OPA1: variants seen among roughly 807,000 people sequenced by gnomAD.
OPA1 encodes the protein dynamin-like GTPase OPA1, mitochondrial.
Under a neutral mutation model 152.9 loss-of-function variants are expected in OPA1, and 59 were observed. The observed-to-expected ratio is 0.39, with a 90% CI of 0.31 to 0.48. The LOEUF is 0.48. Among genes scored for constraint, OPA1 ranks in the 20% least tolerant of loss-of-function variants. OPA1 has a pLI of 0.96. For synonymous variants in OPA1, 400 were observed against 389.9 expected, an observed-to-expected ratio of 1.03 and a Z score of -0.31; for missense variants, 1,008 against 1,216.8, an observed-to-expected ratio of 0.83 and a Z score of 2.55.
intron 30 of OPA1, 87 bp downstream of exon 30, chr3:193,692,219 A>G: frequency 4.0e-6 from 3 of 747,640 alleles, no homozygotes; most frequent in South Asian, 3.1e-5. Flanking sequence ...CTTCATTTAC[A>G]TCCTGCTTGT....
chr3:193,644,575 C>T (rs1399646026), intron 16 of OPA1, among the ~76,000 whole-genome samples: 1 of 151,948 alleles, frequency 6.6e-6, no homozygotes, highest in Admixed American at 6.6e-5. Context: ...CAGCCAAAGA[C>T]AGGCAGGCCT....
chr3:193,644,861 A>G (rs1207792700), intron 16 of OPA1, among the ~76,000 whole-genome samples: 2 of 152,180 alleles, frequency 1.3e-5, no homozygotes, highest in African/African-American at 4.8e-5. Flanking sequence ...AAGATTCAGC[A>G]TTAGCTTAGG....
At chr3:193,665,847 AGCT>A (rs1716410737) in intron 27 of OPA1, among the ~76,000 whole-genome samples, 1 of 152,188 alleles carries the variant, frequency 6.6e-6, no homozygotes, top group Non-Finnish European at 1.5e-5. Flanking sequence ...CTGTAGAATA[AGCT>A]TCTTTTTAAA....
At chr3:193,643,494 A>C (rs751659553) in intron 14 of OPA1, 34 bp from the exon 15 acceptor site, 4 of 1,606,788 alleles carry the variant, frequency 2.5e-6, no homozygotes. Context: ...TGTGTGAAGC[A>C]TTTATAATGA....
At chr3:193,647,528 T>TA (rs1191236806) in intron 19 of OPA1, among the ~76,000 whole-genome samples, 1 of 152,234 alleles carries the variant, frequency 6.6e-6, no homozygotes, top group East Asian at 1.9e-4. Flanking sequence ...GAACTTCCTT[T>TA]ACTTGGCACC....
rs1577195044 is a variant in OPA1, at chr3:193,626,192, A to G, written c.779A>G (p.Gln260Arg). Residue 260 changes from glutamine to arginine, a missense_variant, in exon 7 of 31, where the codon CAG becomes CGG. Gln to Arg is a conservative substitution (Grantham distance 43). Around this residue, in one of 7 missense-constraint regions of OPA1, gnomAD observed 408 missense variants for 395.1 expected, o/e 1.03. Transcript: ENST00000361510. ...AGQYSTSYAQ[Q>R]KRKVSDKEKI... ...CAATATAGCACGAGCTATGCCCAAC[A>G]GAAGCGCAAGGTGATGGATGGTTTA... 9 of 1,613,374 alleles carry G rather than the reference A, an allele frequency of 5.6e-6. No homozygotes were observed. The highest frequency in any genetic ancestry group is 6.8e-6 in the Non-Finnish European group (8 of 1,179,258).
intron 29 of OPA1, among the ~76,000 whole-genome samples, chr3:193,683,560 A>G (rs766645757): frequency 3.3e-5 from 5 of 152,160 alleles, no homozygotes; most frequent in Non-Finnish European, 5.9e-5. Context: ...TGAAAGGAAG[A>G]ATCAATCAGT....
chr3:193,671,924 C>T (rs1718013135), intron 29 of OPA1, among the ~76,000 whole-genome samples: 1 of 152,166 alleles, frequency 6.6e-6, no homozygotes, highest in South Asian at 2.1e-4. Flanking sequence ...ATTTTTCTAC[C>T]TTAATTTCTT....
At chr3:193,668,325 T>G in intron 29 of OPA1, 1 of 1,550,682 alleles carries the variant, frequency 6.4e-7, no homozygotes, top group Non-Finnish European at 8.7e-7. Flanking sequence ...AAATGTTCTT[T>G]TTCCCCAGCT....
At chr3:193,637,317 C>T (rs375897242) in intron 10 of OPA1, 36 bp downstream of exon 10, 82 of 1,322,128 alleles carry the variant, frequency 6.2e-5, no homozygotes, top group Non-Finnish European at 8.8e-5. Flanking sequence ...TGCCAATTAG[C>T]AAAAAAAGAA....
chr3:193,676,228 A>G (rs1395347822), intron 29 of OPA1, among the ~76,000 whole-genome samples: 1 of 123,536 alleles, frequency 8.1e-6, no homozygotes, highest in East Asian at 2.1e-4. Flanking sequence ...TTTGAGAGAC[A>G]GAAAAATTGA....
In OPA1 at chr3:193,648,099, A is replaced by G; in HGVS notation, c.1900A>G (p.Lys634Glu). ...ACGTTTTAACCTTGAAACTGAATGG[A>G]AGAATAACTATCCTCGCCTGCGGGA... ...ATRFNLETEW[K>E]NNYPRLRELD... The change falls in exon 20 of 31, where the codon AAG becomes GAG. Residue 634 changes from lysine to glutamate, a missense_variant. This residue lies in a region of OPA1 where 229 missense variants were observed against 269.0 expected (regional missense o/e 0.85). Transcript: ENST00000361510. 6.2e-7 allele frequency: 1 copy of G among 1,613,780 alleles called. No homozygotes were observed. Among genetic ancestry groups the G allele is most frequent in the Non-Finnish European group, 8.5e-7 (1 of 1,179,674 alleles).
At chr3:193,631,317 G>A (rs369159986) in intron 7 of OPA1, among the ~76,000 whole-genome samples, 38 of 152,276 alleles carry the variant, frequency 2.5e-4, no homozygotes, top group African/African-American at 8.9e-4. Context: ...GTAACCATAT[G>A]TGTTGATCTC....
intron 23 of OPA1, 68 bp downstream of exon 23, chr3:193,657,300 C>A: frequency 6.9e-7 from 1 of 1,449,820 alleles, no homozygotes; most frequent in Non-Finnish European, 9.7e-7. Flanking sequence ...GATACTTTTT[C>A]ATAGGAGACT....
intron 6 of OPA1, among the ~76,000 whole-genome samples, chr3:193,621,971 C>T (rs1730166128): frequency 6.6e-6 from 1 of 152,030 alleles, no homozygotes; most frequent in Admixed American, 6.6e-5. Flanking sequence ...TATTGTGTTC[C>T]AGTGAAATTG....
intron 1 of OPA1, among the ~76,000 whole-genome samples, chr3:193,604,681 A>T (rs1396035694): frequency 1.3e-5 from 2 of 151,878 alleles, no homozygotes; most frequent in Non-Finnish European, 2.9e-5. Context: ...ACCAACATGG[A>T]GAAACCCTGT....
At chr3:193,640,599 A>G (rs892959669) in intron 11 of OPA1, among the ~76,000 whole-genome samples, 3 of 152,230 alleles carry the variant, frequency 2.0e-5, no homozygotes, top group Non-Finnish European at 4.4e-5. Context: ...GCAGGAAGAA[A>G]AAGTGAAGTC....
intron 8 of OPA1, among the ~76,000 whole-genome samples, chr3:193,632,257 G>A (rs998647959): frequency 6.6e-5 from 10 of 152,166 alleles, no homozygotes; most frequent in Non-Finnish European, 1.2e-4. Flanking sequence ...CGAAGTGGGC[G>A]GATCACAAGG....
intron 1 of OPA1, among the ~76,000 whole-genome samples, chr3:193,593,785 A>C (rs889808706): frequency 6.8e-6 from 1 of 146,430 alleles, no homozygotes; most frequent in African/African-American, 2.6e-5. Context: ...TCTGTCCATG[A>C]GTCACCTCTC....
Sources: allele counts gnomAD v4.1 joint callset (sites outside exome capture counted in the v4.1 genomes callset), GRCh38; gene constraint gnomAD v4.1.1; regional missense constraint gnomAD v4.1.1; transcripts MANE v1.5; gene names NCBI Gene and HGNC (gene_info 2026-07-23, HGNC 2026-07-21).